Variants in CLCN7 observed in about 807,000 individuals in gnomAD.
CLCN7 encodes Cl-/H+ antiporter 7.
A neutral mutation model predicts 102.1 loss-of-function variants in CLCN7; 60 were observed. That is an observed-to-expected ratio of 0.59 (90% CI 0.48 to 0.73). The LOEUF is 0.73. CLCN7 is among the 30% of genes least tolerant of loss of function. The probability of loss-of-function intolerance (pLI) is 0.00; values close to 1 mark genes in which losing one functional copy is unlikely to be tolerated. For synonymous variants in CLCN7, 560 were observed against 490.5 expected, an observed-to-expected ratio of 1.14 and a Z score of -1.87; for missense variants, 962 against 1,125.7, an observed-to-expected ratio of 0.85 and a Z score of 2.08.
At position 1,457,645 on chromosome 16, in the gene CLCN7, G is replaced by A. The variant is rs952490516; in HGVS notation, c.738+49C>T. The A allele has an allele frequency of 2.5e-6, 4 of 1,596,720 alleles. No individual in the cohort carries two copies. Among genetic ancestry groups the A allele is most frequent in the Admixed American group, 1.7e-5 (1 of 59,968 alleles). On this transcript the variant is annotated intron_variant, in intron 8 of 24. Coordinates refer to ENST00000382745, the MANE Select transcript of CLCN7 (RefSeq NM_001287.6). This position sits in a 1 kb window ranked among gnomAD's most constrained non-coding sequence, Gnocchi z 5.4. The stretch of plus-strand genomic sequence containing the variant: ...CACATGGGCGTGGCGGCCCTCGCGG[G>A]CCCGGCGGCCTCAGGCTCCAGCTGG...
Position 1,451,678 on chromosome 16 carries a change from C to A in CLCN7, c.1392G>T (p.Ala464=), listed in dbSNP as rs201846545. The A allele has an allele frequency of 1.6e-5, 26 of 1,612,678 alleles. No individual in the cohort carries two copies. The highest frequency in any genetic ancestry group is 2.2e-5 in the Non-Finnish European group (26 of 1,179,940). Residue 464 remains alanine (A), a synonymous_variant, in exon 16 of 25, where the codon GCG becomes GCT. Coordinates refer to ENST00000382745, the MANE Select transcript of CLCN7 (RefSeq NM_001287.6). ...TCTTCTCCGGGGTGTTGAAGAAGGC[C>A]GCAGCCATGGAGTTGTACTCGCCAT... ...CADGEYNSMA[A]AFFNTPEKSV...
At chr16:1,470,061 G>A (rs888301282) in intron 1 of CLCN7, among the ~76,000 whole-genome samples, 20 of 152,262 alleles carry the variant, frequency 1.3e-4, no homozygotes, top group African/African-American at 4.8e-4. Flanking sequence ...GGAAGGGAGA[G>A]CGTTGAATGG....
At chr16:1,455,842 C>T in intron 10 of CLCN7, 47 bp from the exon 11 acceptor site, 1 of 1,594,172 alleles carries the variant, frequency 6.3e-7, no homozygotes, top group Non-Finnish European at 8.6e-7. Flanking sequence ...CACAGGGCAC[C>T]ATGCCCACCA....
chr16:1,446,183 A>T lies in CLCN7; in HGVS notation c.*448T>A, dbSNP rs1373224822. 1 of 607,244 alleles carries T rather than the reference A, an allele frequency of 1.6e-6. No individual in the cohort carries two copies. The highest frequency in any genetic ancestry group is 1.9e-5 in the African/African-American group (1 of 53,910). The allele number at this position is 607,244 out of a possible 1,614,324, so 37.6% of individuals were successfully genotyped here. On this transcript the variant is annotated 3_prime_UTR_variant, in exon 25 of 25. Transcript: ENST00000382745. ...TGAAAATGAGGCCAAGCAGCTCCCA[A>T]GTCTCGAAGACTCCACTGGTGTGGA...
intron 20 of CLCN7, 62 bp downstream of exon 20, chr16:1,448,618 GC>G: frequency 6.2e-7 from 1 of 1,605,198 alleles, no homozygotes; most frequent in South Asian, 1.1e-5. Context: ...CGTGCACCCT[GC>G]CCCTGTGCAA....
At chr16:1,461,328 G>A in intron 4 of CLCN7, 77 bp downstream of exon 4, 1 of 1,291,326 alleles carries the variant, frequency 7.7e-7, no homozygotes, top group Non-Finnish European at 1.1e-6. Context: ...CCTCACCCCG[G>A]CAGAAGAGCA....
chr16:1,457,998 AG>A lies in CLCN7; in HGVS notation c.676-243del, dbSNP rs2142383472. On this transcript the variant is annotated intron_variant, in intron 7 of 24. Transcript: ENST00000382745. This position sits in a 1 kb window ranked among gnomAD's most constrained non-coding sequence, Gnocchi z 5.4. ...CTGTGGCCTCAGCACTGAGCAGGCAAGGGGTTCTTTCGTTTCCTTCCTTCCT... is the reference window on the plus strand; with the variant it reads ...CTGTGGCCTCAGCACTGAGCAGGCAAGGGTTCTTTCGTTTCCTTCCTTCCT... Among the ~76,000 whole-genome samples the A allele has an allele frequency of 6.6e-6, 1 of 152,298 alleles. No homozygotes were observed. Among genetic ancestry groups the A allele is most frequent in the African/African-American group, 2.4e-5 (1 of 41,578 alleles).
chr16:1,446,747 C>A, intron 24 of CLCN7, 30 bp from the exon 25 acceptor site: 1 of 1,537,154 alleles, frequency 6.5e-7, no homozygotes, highest in Non-Finnish European at 8.8e-7. Context: ...CACAGTGACA[C>A]ACGGGTCGGC....
At chr16:1,448,918 A>G (rs755317673) in intron 19 of CLCN7, 48 bp downstream of exon 19, 11 of 1,609,208 alleles carry the variant, frequency 6.8e-6, no homozygotes, top group Admixed American at 1.7e-5. Context: ...CCCCTCCCCT[A>G]TGGCAGCACC....
rs1296780317 is a variant in CLCN7, at chr16:1,449,262, G to A, written c.1669+14C>T. The A allele has an allele frequency of 1.3e-6, 2 of 1,580,602 alleles. No individual in the cohort carries two copies. The highest frequency in any genetic ancestry group is 1.7e-6 in the Non-Finnish European group (2 of 1,163,834). ...GTGGAGCTCCCCACCCATCGGGCAA[G>A]AGCTGGGACATACCCAGCTGGGCAG... is the stretch of plus-strand genomic sequence containing the variant. On this transcript the variant is annotated intron_variant, in intron 18 of 24. Coordinates refer to ENST00000382745, the MANE Select transcript of CLCN7 (RefSeq NM_001287.6).
At position 1,464,649 on chromosome 16, in the gene CLCN7, C is replaced by G. The variant is rs184240345; in HGVS notation, c.213+618G>C. Among the ~76,000 whole-genome samples, 3 of 152,216 alleles carry G rather than the reference C, an allele frequency of 2.0e-5. No individual in the cohort carries two copies. The South Asian group carries it at 6.2e-4, about 31-fold the overall frequency. On this transcript the variant is annotated intron_variant, in intron 2 of 24. Coordinates refer to ENST00000382745, the MANE Select transcript of CLCN7 (RefSeq NM_001287.6). ...GCCTCTGACGTGGCCCAGGGCAGAG[C>G]CAGGTGGGGCCTGATGGGGAGAAGG...
chr16:1,452,419 A>G (rs893501387), intron 15 of CLCN7: 17 of 370,658 alleles, frequency 4.6e-5, no homozygotes, highest in Non-Finnish European at 8.1e-5. Flanking sequence ...GCACAGGTCC[A>G]GTTGTGGACG....
chr16:1,448,337 C>T lies in CLCN7; in HGVS notation c.2013+18G>A. Reference sequence around the variant, plus strand: ...AGAGGTCACATAGGCAGGACCCTGTCTATGGGGTGCCCGGTACCTGGGTGT... The same window carrying T: ...AGAGGTCACATAGGCAGGACCCTGTTTATGGGGTGCCCGGTACCTGGGTGT... On this transcript the variant is annotated intron_variant, in intron 21 of 24. Coordinates refer to ENST00000382745, the MANE Select transcript of CLCN7 (RefSeq NM_001287.6). 6.2e-7 allele frequency: 1 copy of T among 1,612,628 alleles called. No homozygotes were observed. The highest frequency in any genetic ancestry group is 8.5e-7 in the Non-Finnish European group (1 of 1,179,902).
In CLCN7 at chr16:1,457,335, T is replaced by C. The variant is rs1467910402; in HGVS notation, c.741A>G (p.Glu247=). ...SVVGGLAVGK[E]GPMIHSGSVI... is the part of the protein sequence containing the mutation. ...CTGAACCTGAGTGGATCATCGGCCC[T>C]TCCTGGAGACCAGAAGGACCGGTGC... Residue 247 remains glutamate (E), a splice_region_variant and synonymous_variant, in exon 9 of 25, where the codon GAA becomes GAG. Coordinates refer to ENST00000382745, the MANE Select transcript of CLCN7 (RefSeq NM_001287.6). The surrounding 1 kb of genome is among the most constrained non-coding windows in gnomAD (Gnocchi z 5.4). The C allele has an allele frequency of 6.2e-7, 1 of 1,613,430 alleles. No homozygotes were observed. The highest frequency in any genetic ancestry group is 1.1e-5 in the South Asian group (1 of 91,064).
At position 1,446,694 on chromosome 16, in the gene CLCN7, C is replaced by T. The variant is rs2038650560; in HGVS notation, c.2355G>A (p.Lys785=). 6.3e-7 allele frequency: 1 copy of T among 1,590,468 alleles called. No individual in the cohort carries two copies. Among genetic ancestry groups the T allele is most frequent in the Non-Finnish European group, 8.6e-7 (1 of 1,168,472 alleles). The change falls in exon 25 of 25, where the codon AAG becomes AAA. Residue 785 remains lysine (K), a synonymous_variant. Coordinates refer to ENST00000382745, the MANE Select transcript of CLCN7 (RefSeq NM_001287.6). ...TTCCCAGGCGGTACCTGGCGAGGTC[C>T]TTCCTGGTCACCAACCCGACAACCT... is the stretch of plus-strand genomic sequence containing the variant. ...RNQVVGLVTR[K]DLARYRLGKR... is the part of the protein sequence containing the mutation.
chr16:1,474,847 C>A lies in CLCN7; in HGVS notation c.128G>T (p.Gly43Val). Residue 43 changes from glycine (G) to valine (V), a missense_variant, in exon 1 of 25, where the codon GGG becomes GTG. Gly to Val is a moderately radical substitution (Grantham distance 109, BLOSUM62 -3). Around this residue, in one of 2 missense-constraint regions of CLCN7, gnomAD observed 163 missense variants for 137.7 expected, o/e 1.18. Transcript: ENST00000382745. ...GTPLLNGAGP[G>V]AARQSPRSAL... ...GCCCGGCCTCACCTGGCGCGCAGCC[C>A]CAGGCCCAGCCCCGTTCAGCAGCGG... 7.2e-7 allele frequency: 1 copy of A among 1,391,414 alleles called. No homozygotes were observed. The highest frequency in any genetic ancestry group is 9.3e-7 in the Non-Finnish European group (1 of 1,072,204). The allele number at this position is 1,391,414 out of a possible 1,614,324, so 86.2% of individuals were successfully genotyped here. A position where few individuals can be genotyped will look rare whatever the true frequency, so the allele number is the denominator to read the frequency against.
intron 1 of CLCN7, chr16:1,474,135 C>T (rs1234454902): frequency 4.4e-6 from 2 of 455,982 alleles, no homozygotes; most frequent in East Asian, 1.4e-4. Flanking sequence ...CAAATGTACC[C>T]GCAACGGTTC....
intron 1 of CLCN7, among the ~76,000 whole-genome samples, chr16:1,470,659 G>A (rs916010160): frequency 6.6e-6 from 1 of 152,208 alleles, no homozygotes; most frequent in African/African-American, 2.4e-5. Flanking sequence ...TCCCAGGCTG[G>A]CAGAGGACTT....
At chr16:1,454,318 G>T (rs1449725259) in intron 13 of CLCN7, 93 bp downstream of exon 13, 1 of 1,326,578 alleles carries the variant, frequency 7.5e-7, no homozygotes, top group Non-Finnish European at 1.1e-6. Context: ...GCAGGCTCCA[G>T]GGAGCCACAG....
Sources: allele counts gnomAD v4.1 joint callset (sites outside exome capture counted in the v4.1 genomes callset), GRCh38; gene constraint gnomAD v4.1.1; regional missense constraint gnomAD v4.1.1; non-coding constraint Gnocchi (gnomAD v3.1); transcripts MANE v1.5; gene names NCBI Gene and HGNC (gene_info 2026-07-23, HGNC 2026-07-21).